RMDN1: variants seen among roughly 807,000 people sequenced by gnomAD.
RMDN1 encodes regulator of microtubule dynamics 1.
In RMDN1, 48 loss-of-function variants were observed where a neutral mutation model predicts 48.9. That is an observed-to-expected ratio of 0.98 (90% CI 0.78 to 1.25). The LOEUF (loss-of-function observed/expected upper bound fraction) is 1.25, where lower values mean the gene tolerates loss of function less well. RMDN1 is among the 50% of genes most tolerant of loss of function. The probability of loss-of-function intolerance (pLI) is 0.00; values close to 1 mark genes in which losing one functional copy is unlikely to be tolerated. For missense variants in RMDN1, 418 were observed against 373.4 expected (o/e 1.12, Z -0.98); for synonymous variants, 148 against 132.6 (o/e 1.12, Z -0.80).
chr8:86,504,060 C>T, intron 2 of RMDN1: 1 of 852,720 alleles, frequency 1.2e-6, no homozygotes. Flanking sequence ...ACCAGCTGGG[C>T]ATCATTGTCA....
intron 7 of RMDN1, chr8:86,478,090 G>A (rs1203049341): frequency 1.3e-5 from 2 of 152,162 alleles, no homozygotes. Context: ...TTGCCACGTT[G>A]CCCAGGCTGG....
chr8:86,509,741 C>T (rs1563675747), upstream of RMDN1, among the ~76,000 whole-genome samples: 1 of 152,170 alleles, frequency 6.6e-6, no homozygotes, highest in African/African-American at 2.4e-5. Context: ...TCTTTCTACT[C>T]TGAGTCCAGT....
At chr8:86,479,189 G>GT (rs1813912099) in intron 6 of RMDN1, among the ~76,000 whole-genome samples, 179 bp from the exon 7 acceptor site, 1 of 152,062 alleles carries the variant, frequency 6.6e-6, no homozygotes, top group Non-Finnish European at 1.5e-5. Context: ...GCTGGGGGGT[G>GT]TATTTTGTGA....
upstream of RMDN1, chr8:86,508,706 A>C (rs1306725965): frequency 2.2e-6 from 3 of 1,352,644 alleles, no homozygotes; most frequent in African/African-American, 5.2e-5. Context: ...CCTTCCGGAA[A>C]GAACCGCGCC....
chr8:86,487,996 T>C (rs1438358340), intron 3 of RMDN1, among the ~76,000 whole-genome samples: 8 of 152,146 alleles, frequency 5.3e-5, no homozygotes, highest in African/African-American at 1.9e-4. Context: ...ACTTACTTCA[T>C]AGGGTTGAGT....
chr8:86,489,485 C>A (rs998941037), intron 2 of RMDN1, among the ~76,000 whole-genome samples: 1 of 152,124 alleles, frequency 6.6e-6, no homozygotes, highest in Non-Finnish European at 1.5e-5. Context: ...AGCCAAGATT[C>A]CAATGTGTAT....
At chr8:86,471,835 G>A (rs1029979680), downstream of RMDN1, among the ~76,000 whole-genome samples, 25 of 152,196 alleles carry the variant, frequency 1.6e-4, no homozygotes, top group Non-Finnish European at 2.2e-4. Context: ...TCTGGAATGC[G>A]AGAGAATCTA....
At chr8:86,502,151 G>A (rs1350789429) in intron 2 of RMDN1, among the ~76,000 whole-genome samples, 1 of 152,024 alleles carries the variant, frequency 6.6e-6, no homozygotes, top group Admixed American at 6.6e-5. Context: ...AAACAAAAAA[G>A]CTTCACTCAT....
chr8:86,492,708 C>T (rs1167017129), intron 2 of RMDN1, among the ~76,000 whole-genome samples: 1 of 150,922 alleles, frequency 6.6e-6, no homozygotes, highest in African/African-American at 2.4e-5. Context: ...ATGAAACGTT[C>T]CCACAGGAGT....
intron 5 of RMDN1, chr8:86,482,176 C>G (rs1238118897): frequency 2.0e-5 from 9 of 440,180 alleles, no homozygotes; most frequent in Middle Eastern, 6.8e-4. Flanking sequence ...CTGAGGTGGG[C>G]AGATCACTTG....
chr8:86,508,638 C>G lies in RMDN1; in HGVS notation c.-18G>C, dbSNP rs956910733. ...AGCGCCATGACCTGCAACTTGCGGG[C>G]TGACCCTGCACTACTTCAGGCAGCT... On this transcript the variant is annotated 5_prime_UTR_variant, in exon 1 of 10. Transcript: ENST00000406452. The G allele has an allele frequency of 1.3e-6, 2 of 1,594,264 alleles. No homozygotes were observed. Among genetic ancestry groups the G allele is most frequent in the African/African-American group, 1.3e-5 (1 of 74,518 alleles).
downstream of RMDN1, among the ~76,000 whole-genome samples, chr8:86,469,231 A>G (rs1812350109): frequency 6.6e-6 from 1 of 151,566 alleles, no homozygotes; most frequent in Admixed American, 6.6e-5. Context: ...AAAGGTTAAC[A>G]AAACCTTTTC....
At chr8:86,470,722 T>TATTG (rs1395839844), downstream of RMDN1, among the ~76,000 whole-genome samples, 4 of 152,136 alleles carry the variant, frequency 2.6e-5, no homozygotes, top group South Asian at 2.1e-4. Flanking sequence ...AGAAACAAAC[T>TATTG]ATTGATAGAA....
At chr8:86,496,910 A>AT (rs1240015502) in intron 2 of RMDN1, among the ~76,000 whole-genome samples, 1 of 151,938 alleles carries the variant, frequency 6.6e-6, no homozygotes, top group Non-Finnish European at 1.5e-5. Flanking sequence ...TCTGAACAAA[A>AT]TAAAAAAAAA....
intron 2 of RMDN1, chr8:86,494,842 C>T: frequency 2.9e-6 from 1 of 339,888 alleles, no homozygotes; most frequent in Non-Finnish European, 5.7e-6. Context: ...GGCATCATGG[C>T]ACATGCCTGT....
intron 2 of RMDN1, among the ~76,000 whole-genome samples, chr8:86,499,144 G>T (rs1817821071): frequency 6.6e-6 from 1 of 152,100 alleles, no homozygotes; most frequent in Non-Finnish European, 1.5e-5. Context: ...CATTCTCCTT[G>T]AAAAATGGAA....
At chr8:86,478,729 C>T in intron 7 of RMDN1, 194 bp downstream of exon 7, 1 of 550,538 alleles carries the variant, frequency 1.8e-6, no homozygotes, top group South Asian at 2.4e-5. Context: ...CAGCCACTCA[C>T]CTAACGGGGA....
At chr8:86,488,770 A>C (rs965785132) in intron 2 of RMDN1, 131 bp from the exon 3 acceptor site, 1 of 485,476 alleles carries the variant, frequency 2.1e-6, no homozygotes. Flanking sequence ...ACCTACAATG[A>C]AACAGCAGAA....
chr8:86,480,877 A>G (rs1215975761), intron 5 of RMDN1, among the ~76,000 whole-genome samples: 1 of 152,090 alleles, frequency 6.6e-6, no homozygotes, highest in Non-Finnish European at 1.5e-5. Flanking sequence ...ATCTGTACTT[A>G]CCAAAGGAAA....
Sources: gnomAD v4.1 joint callset for allele counts (sites outside exome capture counted in the v4.1 genomes callset) on GRCh38, gnomAD v4.1.1 for gene constraint, MANE v1.5 for transcripts, NCBI Gene and HGNC (gene_info 2026-07-23, HGNC 2026-07-21) for gene names.